CLYBL: variants seen among roughly 807,000 people sequenced by gnomAD.
The protein encoded by CLYBL is citramalyl-CoA lyase.
Under a neutral mutation model 38.9 loss-of-function variants are expected in CLYBL, and 31 were observed. The observed-to-expected ratio is 0.80, with a 90% CI of 0.60 to 1.08. The LOEUF (loss-of-function observed/expected upper bound fraction) is 1.08, where lower values mean the gene tolerates loss of function less well. Among genes scored for constraint, CLYBL ranks in the 50% least tolerant of loss-of-function variants. The probability of loss-of-function intolerance (pLI) is 0.00; values close to 1 mark genes in which losing one functional copy is unlikely to be tolerated. For missense variants in CLYBL, 434 were observed against 411.6 expected, an observed-to-expected ratio of 1.05 and a Z score of -0.47; for synonymous variants, 171 against 158.6, an observed-to-expected ratio of 1.08 and a Z score of -0.59.
At position 99,647,076 on chromosome 13, in the gene CLYBL, C is replaced by A. The variant is rs117875271; in HGVS notation, c.62+40319C>A. 8.1e-3 allele frequency among the ~76,000 whole-genome samples: 1,237 copies of A among 152,276 alleles called. 11 individuals are homozygous for A. The highest frequency in any genetic ancestry group is 0.012 in the Non-Finnish European group (802 of 68,024). On this transcript the variant is annotated intron_variant, in intron 1 of 8. Coordinates refer to ENST00000339105, the MANE Select transcript of CLYBL (RefSeq NM_206808.5). ...GCCAAGCTGTGCAGTGCATCACCAT[C>A]CATGGTGCTCATGGGCCTGAGGACC...
intron 2 of CLYBL, among the ~76,000 whole-genome samples, chr13:99,844,053 A>C (rs1057260392): frequency 6.6e-6 from 1 of 152,222 alleles, no homozygotes; most frequent in Non-Finnish European, 1.5e-5. Context: ...ATGCATGTGC[A>C]GTGTGGTTGC....
At chr13:99,817,397 G>A (rs1005055264) in intron 2 of CLYBL, among the ~76,000 whole-genome samples, 3 of 152,090 alleles carry the variant, frequency 2.0e-5, no homozygotes, top group Non-Finnish European at 4.4e-5. Context: ...AGTGGCTCAC[G>A]CCTGTAATCC....
At chr13:99,795,305 G>A (rs2049999794) in intron 2 of CLYBL, among the ~76,000 whole-genome samples, 2 of 152,278 alleles carry the variant, frequency 1.3e-5, no homozygotes, top group African/African-American at 4.8e-5. Context: ...TCTAGTCTAA[G>A]AAGCAGCATA....
intron 1 of CLYBL, among the ~76,000 whole-genome samples, chr13:99,754,275 T>C (rs992832505): frequency 1.3e-5 from 2 of 151,416 alleles, no homozygotes; most frequent in Non-Finnish European, 2.9e-5. Context: ...CCGGGCATGG[T>C]AGCACGTGCC....
chr13:99,682,182 C>T (rs1011307825), intron 1 of CLYBL, among the ~76,000 whole-genome samples: 2 of 151,324 alleles, frequency 1.3e-5, no homozygotes, highest in African/African-American at 2.4e-5. Flanking sequence ...CTCGCTCTGT[C>T]GCCCAGGCTG....
chr13:99,626,841 A>G (rs1224503977), intron 1 of CLYBL, among the ~76,000 whole-genome samples: 1 of 152,042 alleles, frequency 6.6e-6, no homozygotes, highest in East Asian at 1.9e-4. Flanking sequence ...ATGTAGTCCC[A>G]GGTGGATGTA....
At chr13:99,801,469 C>A (rs2050135183) in intron 2 of CLYBL, among the ~76,000 whole-genome samples, 1 of 150,948 alleles carries the variant, frequency 6.6e-6, no homozygotes, top group South Asian at 2.1e-4. Flanking sequence ...AATGTGACAT[C>A]TGATAATTAT....
rs1320521476 is a variant in CLYBL at position 99,727,912 on chromosome 13, T to C, written c.63-44912T>C. Among the ~76,000 whole-genome samples the C allele has an allele frequency of 3.9e-5, 6 of 152,206 alleles. No homozygotes were observed. The East Asian group carries it at 1.2e-3, about 29-fold the overall frequency. On this transcript the variant is annotated intron_variant, in intron 1 of 8. Transcript: ENST00000339105. Reference sequence around the variant, plus strand: ...GGCCAACATGGTGAAATCCTGTCTCTACTAAAAATACAAAAATTAGCCAGG... The same window carrying C: ...GGCCAACATGGTGAAATCCTGTCTCCACTAAAAATACAAAAATTAGCCAGG...
intron 1 of CLYBL, among the ~76,000 whole-genome samples, chr13:99,663,919 G>T (rs2047444063): frequency 6.6e-6 from 1 of 152,216 alleles, no homozygotes. Flanking sequence ...TGCAGACAGA[G>T]ATAAAACTGC....
chr13:99,703,454 C>T (rs2048100122), intron 1 of CLYBL, among the ~76,000 whole-genome samples: 1 of 152,180 alleles, frequency 6.6e-6, no homozygotes, highest in Non-Finnish European at 1.5e-5. Context: ...ACTGCAACCT[C>T]TGCCTGCCAG....
intron 1 of CLYBL, among the ~76,000 whole-genome samples, chr13:99,731,335 G>GA (rs543496005): frequency 0.023 from 2,936 of 126,908 alleles, 51 homozygotes; most frequent in East Asian, 0.11. Context: ...CCTGCTTTAA[G>GA]AAAAAAAAAA....
intron 1 of CLYBL, among the ~76,000 whole-genome samples, chr13:99,753,480 T>C (rs16956883): frequency 0.022 from 3,367 of 152,260 alleles, 102 homozygotes; most frequent in East Asian, 0.064. Flanking sequence ...CGCCCATGTA[T>C]GTTAGCTCTC....
At chr13:99,847,433 G>A (rs544227404) in intron 2 of CLYBL, among the ~76,000 whole-genome samples, 114 of 152,284 alleles carry the variant, frequency 7.5e-4, no homozygotes, top group African/African-American at 2.6e-3. Flanking sequence ...CCTCTAACCC[G>A]GAGAAGTGGG....
chr13:99,784,358 G>T (rs1314074828), intron 2 of CLYBL, among the ~76,000 whole-genome samples: 2 of 151,236 alleles, frequency 1.3e-5, no homozygotes, highest in Admixed American at 6.6e-5. Context: ...TCTGATATAG[G>T]TATTTGATTC....
At chr13:99,745,860 A>G (rs1327693504) in intron 1 of CLYBL, among the ~76,000 whole-genome samples, 3 of 147,970 alleles carry the variant, frequency 2.0e-5, no homozygotes, top group African/African-American at 7.4e-5. Flanking sequence ...TGTACAAATC[A>G]GAATAATCAA....
intron 1 of CLYBL, among the ~76,000 whole-genome samples, chr13:99,732,118 C>G (rs1473900327): frequency 6.8e-6 from 1 of 147,736 alleles, no homozygotes; most frequent in Non-Finnish European, 1.5e-5. Context: ...TCTTTAAAGA[C>G]TAGTGATTTT....
At chr13:99,859,887 T>C (rs1033971807) in intron 3 of CLYBL, among the ~76,000 whole-genome samples, 6 of 152,078 alleles carry the variant, frequency 3.9e-5, no homozygotes, top group African/African-American at 1.2e-4. Context: ...CCCTGTGAGG[T>C]GTGAAAACTG....
intron 1 of CLYBL, among the ~76,000 whole-genome samples, chr13:99,685,135 C>A (rs1427307188): frequency 2.0e-5 from 3 of 152,306 alleles, no homozygotes; most frequent in East Asian, 1.9e-4. Flanking sequence ...AAACATCACA[C>A]AACTCACGAA....
At chr13:99,795,751 C>T (rs1168450557) in intron 2 of CLYBL, among the ~76,000 whole-genome samples, 3 of 152,182 alleles carry the variant, frequency 2.0e-5, no homozygotes, top group Admixed American at 1.3e-4. Flanking sequence ...AGATAAAAGG[C>T]CAGCTTTGTC....
Sources: allele counts gnomAD v4.1 joint callset (sites outside exome capture counted in the v4.1 genomes callset), GRCh38; gene constraint gnomAD v4.1.1; transcripts MANE v1.5; gene names NCBI Gene and HGNC (gene_info 2026-07-23, HGNC 2026-07-21).